The following LRRC37A2 variants were observed in gnomAD, a reference collection of about 807,000 sequenced individuals.
LRRC37A2 encodes leucine rich repeat containing 37 member A2, also known as leucine-rich repeat-containing protein 37A2.
LRRC37A2 carries 9 observed loss-of-function variants against 68.8 expected under a neutral mutation model. That is an observed-to-expected ratio of 0.13 (90% CI 0.08 to 0.23). LRRC37A2 has a LOEUF of 0.23. Ranked by LOEUF, LRRC37A2 falls within the 10% of genes least tolerant of loss-of-function variation. The probability of loss-of-function intolerance (pLI) is 1.00; values close to 1 mark genes in which losing one functional copy is unlikely to be tolerated. For missense variants in LRRC37A2, 168 were observed against 950.4 expected, an observed-to-expected ratio of 0.18 and a Z score of 10.82; for synonymous variants, 63 against 367.6, an observed-to-expected ratio of 0.17 and a Z score of 9.48.
At chr17:46,690,643 T>A in the LRRC37A2 span, among the ~76,000 whole-genome samples, 7 of 109,228 alleles carry the variant, frequency 6.4e-5, no homozygotes, top group South Asian at 2.9e-4. Context: ...ATATATATAT[T>A]GTATAGGGAT....
At chr17:47,027,343 C>G in the LRRC37A2 span, among the ~76,000 whole-genome samples, 6 of 152,042 alleles carry the variant, frequency 3.9e-5, no homozygotes, top group Non-Finnish European at 7.4e-5. Flanking sequence ...ATTCCAAAGT[C>G]TATTATGTTG....
chr17:46,948,337 A>G, the LRRC37A2 span, among the ~76,000 whole-genome samples: 2 of 152,354 alleles, frequency 1.3e-5, no homozygotes, highest in African/African-American at 4.8e-5. Flanking sequence ...GTGGTTGTTC[A>G]CTAGCATTGC....
chr17:46,765,233 C>G, the LRRC37A2 span, among the ~76,000 whole-genome samples: 1 of 152,302 alleles, frequency 6.6e-6, no homozygotes, highest in South Asian at 2.1e-4. Flanking sequence ...ACAGGCTCAG[C>G]CAGATTGAAG....
the LRRC37A2 span, among the ~76,000 whole-genome samples, chr17:46,855,789 C>T: frequency 1.3e-5 from 2 of 150,438 alleles, no homozygotes; most frequent in Admixed American, 6.6e-5. Context: ...ACCTCCACCT[C>T]CCAAGTTCAA....
chr17:46,824,713 G>A, the LRRC37A2 span, among the ~76,000 whole-genome samples: 1 of 152,234 alleles, frequency 6.6e-6, no homozygotes, highest in Admixed American at 6.5e-5. Flanking sequence ...GTTGATGATG[G>A]GCCCAGAGGA....
chr17:46,768,609 C>G, the LRRC37A2 span: 2 of 1,614,130 alleles, frequency 1.2e-6, no homozygotes, highest in Non-Finnish European at 1.7e-6. This position sits in a 1 kb window ranked among gnomAD's most constrained non-coding sequence, Gnocchi z 5.0. Flanking sequence ...GTACTTGGCC[C>G]GGAGGGTCTC....
chr17:46,716,361 A>G, the LRRC37A2 span, among the ~76,000 whole-genome samples: 2 of 150,228 alleles, frequency 1.3e-5, no homozygotes, highest in Non-Finnish European at 3.0e-5. Flanking sequence ...GGTTCATGCC[A>G]TTCTCCTGCC....
At chr17:46,635,845 G>C in the LRRC37A2 span, among the ~76,000 whole-genome samples, 1 of 130,892 alleles carries the variant, frequency 7.6e-6, no homozygotes, top group Non-Finnish European at 1.7e-5. Flanking sequence ...TTATTGAAGA[G>C]TAGCAATAGA....
At chr17:46,900,156 TATATAC>T in the LRRC37A2 span, among the ~76,000 whole-genome samples, 3,555 of 72,964 alleles carry the variant, frequency 0.049, 58 homozygotes, top group Non-Finnish European at 0.065. Flanking sequence ...CTTTTCTATA[TATATAC>T]ATATACATAT....
the LRRC37A2 span, among the ~76,000 whole-genome samples, chr17:46,801,597 G>A: frequency 6.6e-6 from 1 of 152,132 alleles, no homozygotes; most frequent in Admixed American, 6.6e-5. Flanking sequence ...TCCACTCTGG[G>A]CAACAGAGCG....
At chr17:46,997,578 G>T in the LRRC37A2 span, among the ~76,000 whole-genome samples, 1 of 152,260 alleles carries the variant, frequency 6.6e-6, no homozygotes, top group Non-Finnish European at 1.5e-5. Flanking sequence ...AGGAAATATA[G>T]AAGACAGAGA....
the LRRC37A2 span, among the ~76,000 whole-genome samples, chr17:46,489,903 TAC>T: frequency 5.9e-5 from 9 of 151,266 alleles, no homozygotes; most frequent in Non-Finnish European, 1.2e-4. Context: ...TATTGGCAAA[TAC>T]ACTCACTTGC....
chr17:46,771,430 G>A, the LRRC37A2 span, among the ~76,000 whole-genome samples: 1 of 150,980 alleles, frequency 6.6e-6, no homozygotes, highest in African/African-American at 2.4e-5. Context: ...CCGGCCTGCG[G>A]CCTCTCGCGG....
At chr17:46,881,171 G>C in the LRRC37A2 span, among the ~76,000 whole-genome samples, 3 of 152,190 alleles carry the variant, frequency 2.0e-5, no homozygotes, top group African/African-American at 7.2e-5. Flanking sequence ...GCTCAGGCCT[G>C]CCCTGCCCCA....
the LRRC37A2 span, among the ~76,000 whole-genome samples, chr17:46,802,716 A>G: frequency 6.6e-6 from 1 of 152,214 alleles, no homozygotes. Context: ...CCAAAAGGAC[A>G]GGGTTCAAGT....
the LRRC37A2 span, among the ~76,000 whole-genome samples, chr17:46,709,874 A>G: frequency 6.6e-6 from 1 of 152,196 alleles, no homozygotes; most frequent in African/African-American, 2.4e-5. Flanking sequence ...TGAATTTGCC[A>G]TATCTAGGCC....
chr17:46,771,491 C>G, the LRRC37A2 span, among the ~76,000 whole-genome samples: 4 of 149,756 alleles, frequency 2.7e-5, no homozygotes, highest in East Asian at 5.9e-4. Context: ...GCCCCGGGAA[C>G]GCGGGGGCGG....
the LRRC37A2 span, among the ~76,000 whole-genome samples, chr17:46,623,304 T>A: frequency 1.7e-4 from 5 of 29,542 alleles, no homozygotes; most frequent in Admixed American, 2.1e-3. Flanking sequence ...GGTGACAGAG[T>A]GAGACTCCAT....
the LRRC37A2 span, among the ~76,000 whole-genome samples, chr17:46,793,884 C>A: frequency 6.6e-6 from 1 of 152,150 alleles, no homozygotes; most frequent in African/African-American, 2.4e-5. Context: ...TGGAGTTGGA[C>A]CCCAAATCCC....
Sources: allele counts gnomAD v4.1 joint callset (sites outside exome capture counted in the v4.1 genomes callset), GRCh38; gene constraint gnomAD v4.1.1; non-coding constraint Gnocchi (gnomAD v3.1); transcripts MANE v1.5; gene names NCBI Gene and HGNC (gene_info 2026-07-23, HGNC 2026-07-21).